The following CNTN6 variants were observed in gnomAD, a reference collection of about 807,000 sequenced individuals.
The protein encoded by CNTN6 is contactin 6, also known as contactin-6.
A neutral mutation model predicts 122.8 loss-of-function variants in CNTN6; 137 were observed. The ratio of observed to expected loss-of-function variants is 1.12; its 90% CI spans 0.97 to 1.29. The LOEUF is 1.29. Ranked by LOEUF, CNTN6 falls within the 50% of genes most tolerant of loss-of-function variation. The pLI, the probability that CNTN6 is intolerant of heterozygous loss-of-function variation, is 0.00. For missense variants in CNTN6, 1,634 were observed against 1,223.4 expected, an observed-to-expected ratio of 1.34 and a Z score of -5.01; for synonymous variants, 570 against 426.0, an observed-to-expected ratio of 1.34 and a Z score of -4.16.
chr3:1,129,887 T>C (rs958733649), intron 1 of CNTN6, among the ~76,000 whole-genome samples: 2 of 148,464 alleles, frequency 1.3e-5, no homozygotes, highest in African/African-American at 5.2e-5. Flanking sequence ...TTGTATAAAA[T>C]AGTTTGTTTT....
At position 1,277,668 on chromosome 3, in the gene CNTN6, T is replaced by C. The variant is rs74331533; in HGVS notation, c.359-745T>C. 5.8e-3 allele frequency among the ~76,000 whole-genome samples: 888 copies of C among 152,200 alleles called. 8 individuals carry two copies. The highest frequency in any genetic ancestry group is 0.018 in the African/African-American group (738 of 41,524). Reference sequence around the variant, plus strand: ...GAGCCACCACACCCAGATTAGTAGGTTAATTCATTAAATAACTAATTGAAT... The same window carrying C: ...GAGCCACCACACCCAGATTAGTAGGCTAATTCATTAAATAACTAATTGAAT... On this transcript the variant is annotated intron_variant, in intron 4 of 22. Coordinates refer to ENST00000446702, the MANE Select transcript of CNTN6 (RefSeq NM_001289080.2).
At chr3:1,159,346 G>C (rs1374431621) in intron 2 of CNTN6, among the ~76,000 whole-genome samples, 1 of 151,960 alleles carries the variant, frequency 6.6e-6, no homozygotes, top group East Asian at 2.0e-4. Context: ...CTGGACAAAG[G>C]GATGATTTCC....
At chr3:1,150,294 C>T (rs2092812042) in intron 2 of CNTN6, among the ~76,000 whole-genome samples, 1 of 152,162 alleles carries the variant, frequency 6.6e-6, no homozygotes, top group African/African-American at 2.4e-5. Flanking sequence ...CCAAAACATA[C>T]TTTTTATTCA....
At chr3:1,329,209 A>G (rs939178943) in intron 10 of CNTN6, among the ~76,000 whole-genome samples, 1 of 151,070 alleles carries the variant, frequency 6.6e-6, no homozygotes. Context: ...GTATGCATAT[A>G]CATGTATATA....
At chr3:1,207,709 T>C (rs2093976922) in intron 2 of CNTN6, among the ~76,000 whole-genome samples, 1 of 132,962 alleles carries the variant, frequency 7.5e-6, no homozygotes, top group African/African-American at 2.5e-5. Context: ...CTCAAAGTTA[T>C]CTGTTTTGTT....
intron 22 of CNTN6, 96 bp downstream of exon 22, chr3:1,402,582 T>C: frequency 9.8e-7 from 1 of 1,016,178 alleles, no homozygotes; most frequent in Non-Finnish European, 1.4e-6. Context: ...GGCTTAAATG[T>C]TGGGTGATAA....
At chr3:1,096,453 C>T (rs1165464442) in intron 1 of CNTN6, among the ~76,000 whole-genome samples, 2 of 152,166 alleles carry the variant, frequency 1.3e-5, no homozygotes, top group African/African-American at 4.8e-5. Context: ...TTCTTTTCTT[C>T]AGGATCACCA....
intron 2 of CNTN6, among the ~76,000 whole-genome samples, chr3:1,200,952 G>A (rs1210931716): frequency 2.2e-5 from 3 of 138,300 alleles, no homozygotes; most frequent in Non-Finnish European, 4.6e-5. Context: ...TTTTTCCCAA[G>A]GTCTGATTTT....
At chr3:1,389,366 A>G (rs1408646326) in intron 20 of CNTN6, among the ~76,000 whole-genome samples, 1 of 152,084 alleles carries the variant, frequency 6.6e-6, no homozygotes, top group East Asian at 1.9e-4. Flanking sequence ...AAATGCTGAG[A>G]GATTTTGTCA....
intron 16 of CNTN6, among the ~76,000 whole-genome samples, chr3:1,376,513 A>G (rs1709890638): frequency 6.6e-6 from 1 of 152,154 alleles, no homozygotes; most frequent in Non-Finnish European, 1.5e-5. Context: ...TGTAACGAGG[A>G]GTTTTAAAAC....
chr3:1,210,673 C>T (rs1029241796), intron 2 of CNTN6, among the ~76,000 whole-genome samples: 1 of 152,124 alleles, frequency 6.6e-6, no homozygotes, highest in Admixed American at 6.6e-5. Context: ...TGAATGCCAG[C>T]TCTGGACTAT....
chr3:1,169,957 G>A (rs548285292), intron 2 of CNTN6, among the ~76,000 whole-genome samples: 8 of 152,108 alleles, frequency 5.3e-5, no homozygotes, highest in Admixed American at 1.3e-4. Flanking sequence ...TACTTTCGCC[G>A]GTTGCGGTGG....
intron 2 of CNTN6, among the ~76,000 whole-genome samples, chr3:1,193,172 A>G (rs955140817): frequency 6.6e-6 from 1 of 152,176 alleles, no homozygotes; most frequent in African/African-American, 2.4e-5. Context: ...AGGTTAACAC[A>G]ATCAGGTTTT....
intron 20 of CNTN6, among the ~76,000 whole-genome samples, chr3:1,401,029 G>A (rs545754960): frequency 6.6e-6 from 1 of 152,146 alleles, no homozygotes; most frequent in East Asian, 1.9e-4. Flanking sequence ...AGAATTTTAG[G>A]AATGAACATC....
chr3:1,283,639 C>T (rs1216722152), intron 5 of CNTN6, among the ~76,000 whole-genome samples: 1 of 151,898 alleles, frequency 6.6e-6, no homozygotes, highest in Non-Finnish European at 1.5e-5. Context: ...TAAACCCCCC[C>T]TTCACTATGT....
Position 1,270,537 on chromosome 3 carries a change from C to T in CNTN6, c.359-7876C>T, listed in dbSNP as rs144941602. On this transcript the variant is annotated intron_variant, in intron 4 of 22. Coordinates refer to ENST00000446702, the MANE Select transcript of CNTN6 (RefSeq NM_001289080.2). ...TCTTTGCCCCGCAAAATGTTTTTGCCGTAGGCCAAAACAAAATACATACCT... is the reference window on the plus strand; with the variant it reads ...TCTTTGCCCCGCAAAATGTTTTTGCTGTAGGCCAAAACAAAATACATACCT... Among the ~76,000 whole-genome samples, 904 of 152,162 alleles carry T rather than the reference C, an allele frequency of 5.9e-3. 2 individuals carry two copies. Among genetic ancestry groups the T allele is most frequent in the Middle Eastern group, 0.01 (3 of 294 alleles).
intron 2 of CNTN6, among the ~76,000 whole-genome samples, chr3:1,150,174 A>C (rs1185071844): frequency 1.3e-5 from 2 of 152,188 alleles, no homozygotes; most frequent in Non-Finnish European, 2.9e-5. Flanking sequence ...TTGTTTTGTT[A>C]GACGTTTCAT....
In CNTN6 at chr3:1,372,750, A is replaced by G. The variant is rs539469500; in HGVS notation, c.1669-88A>G. 6 of 796,092 alleles carry G rather than the reference A, an allele frequency of 7.5e-6. No homozygotes were observed. The East Asian group carries it at 1.3e-4, about 17-fold the overall frequency. The allele number at this position is 796,092 out of a possible 1,614,324, so 49.3% of individuals were successfully genotyped here. ...TATCTTTTAATTTCAGAGTTGTTTT[A>G]TGTTTCGTATTTATCCAGCTGTAAC... On this transcript the variant is annotated intron_variant, in intron 13 of 22. Transcript: ENST00000446702.
Position 1,363,780 on chromosome 3 carries a change from A to G in CNTN6, c.1493-8519A>G, listed in dbSNP as rs1418456719. Among the ~76,000 whole-genome samples the G allele has an allele frequency of 3.9e-5, 6 of 151,922 alleles. No individual in the cohort carries two copies. In the South Asian group the frequency reaches 1.2e-3, roughly 31 times the overall value. On this transcript the variant is annotated intron_variant, in intron 12 of 22. Transcript: ENST00000446702. Reference sequence around the variant, plus strand: ...TATTTTCTTTGGATATATATCCACAAGAGGGATTGCTGGGTTGTATGGTAT... The same window carrying G: ...TATTTTCTTTGGATATATATCCACAGGAGGGATTGCTGGGTTGTATGGTAT...
Sources: allele counts gnomAD v4.1 joint callset (sites outside exome capture counted in the v4.1 genomes callset), GRCh38; gene constraint gnomAD v4.1.1; transcripts MANE v1.5; gene names NCBI Gene and HGNC (gene_info 2026-07-23, HGNC 2026-07-21).